The following GFM1 variants were observed in gnomAD, a reference collection of about 807,000 sequenced individuals.
GFM1 encodes G elongation factor mitochondrial 1, also known as elongation factor G, mitochondrial.
In GFM1, 62 loss-of-function variants were observed where a neutral mutation model predicts 96.2. The ratio of observed to expected loss-of-function variants is 0.64; its 90% confidence interval spans 0.53 to 0.80. The LOEUF (loss-of-function observed/expected upper bound fraction) is 0.80, where lower values mean the gene tolerates loss of function less well. Ranked by LOEUF, GFM1 falls within the 30% of genes least tolerant of loss-of-function variation. GFM1 has a pLI of 0.00. For synonymous variants in GFM1, 282 were observed against 312.9 expected (o/e 0.90, Z 1.04); for missense variants, 852 against 916.6 (o/e 0.93, Z 0.91).
chr3:158,644,808 C>T, intron 1 of GFM1, 93 bp downstream of exon 1: 1 of 1,027,688 alleles, frequency 9.7e-7, no homozygotes, highest in Non-Finnish European at 1.5e-6. Flanking sequence ...CCTGGGTCCT[C>T]ATGACTGACA....
chr3:158,671,044 G>C, intron 13 of GFM1: 1 of 1,497,628 alleles, frequency 6.7e-7, no homozygotes, highest in Non-Finnish European at 8.9e-7. Flanking sequence ...ATGTAGTGGA[G>C]ACAAGAAAAT....
intron 9 of GFM1, among the ~76,000 whole-genome samples, chr3:158,660,081 T>G (rs1255510239): frequency 6.6e-6 from 1 of 152,184 alleles, no homozygotes; most frequent in South Asian, 2.1e-4. Flanking sequence ...ACTGCTTGCA[T>G]CTGTGAGAAA....
chr3:158,684,289 C>T (rs1202436108), intron 14 of GFM1, among the ~76,000 whole-genome samples: 1 of 152,052 alleles, frequency 6.6e-6, no homozygotes, highest in Non-Finnish European at 1.5e-5. Flanking sequence ...ATTTATACAA[C>T]AAACCCCCAT....
intron 15 of GFM1, among the ~76,000 whole-genome samples, chr3:158,689,920 A>G (rs922325227): frequency 6.6e-6 from 1 of 152,168 alleles, no homozygotes; most frequent in South Asian, 2.1e-4. Flanking sequence ...TCTGCTATTT[A>G]ATGAGTTTTA....
In GFM1 at chr3:158,692,085, TA is replaced by T. The variant is rs1726369257; in HGVS notation, c.*619del. The T allele has an allele frequency of 6.6e-6, 1 of 152,470 alleles. No individual in the cohort carries two copies. The highest frequency in any genetic ancestry group is 2.4e-5 in the African/African-American group (1 of 41,456). 9.4% of individuals were successfully genotyped at this position (152,470 alleles called of 1,614,324 possible). A position where few individuals can be genotyped will look rare whatever the true frequency, so the allele number is the denominator to read the frequency against. On this transcript the variant is annotated 3_prime_UTR_variant, in exon 18 of 18. Transcript: ENST00000486715. Reference sequence around the variant, plus strand: ...AAGAGTGGATTCCGTATGTTCTTCATAGAGAGTGTTTTTCAGATTCTTCATT... The same window carrying T: ...AAGAGTGGATTCCGTATGTTCTTCATGAGAGTGTTTTTCAGATTCTTCATT...
chr3:158,683,036 G>GA (rs1394390389), intron 14 of GFM1, among the ~76,000 whole-genome samples: 4,295 of 95,822 alleles, frequency 0.045, 115 homozygotes, highest in African/African-American at 0.1. Context: ...CTCCAAAATG[G>GA]AAAAAAAAAA....
In GFM1 at chr3:158,646,270, G is replaced by A; in HGVS notation, c.340G>A (p.Val114Ile). 1.2e-6 allele frequency: 2 copies of A among 1,614,090 alleles called. No individual in the cohort carries two copies. The highest frequency in any genetic ancestry group is 1.7e-6 in the Non-Finnish European group (2 of 1,179,938). ...SAATYTMWKD[V>I]NINIIDTPGH... is the part of the protein sequence containing the mutation. ...AGCCACTTACACCATGTGGAAAGAT[G>A]TCAATATTAACATTATAGATACTCC... The change falls in exon 3 of 18, where the codon GTC becomes ATC. Residue 114 changes from valine (V) to isoleucine (I), a missense_variant. Transcript: ENST00000486715.
chr3:158,681,024 A>G (rs572296407), intron 13 of GFM1, among the ~76,000 whole-genome samples: 1 of 152,200 alleles, frequency 6.6e-6, no homozygotes, highest in East Asian at 1.9e-4. Flanking sequence ...AAAATGTCTC[A>G]TAGAGAACGT....
At chr3:158,644,987 T>G (rs1046426741) in intron 1 of GFM1, 2 of 443,160 alleles carry the variant, frequency 4.5e-6, no homozygotes, top group East Asian at 3.9e-5. Context: ...AAGGTTTTTT[T>G]TTTTTTTTTT....
At chr3:158,668,784 A>C (rs930745839) in intron 13 of GFM1, among the ~76,000 whole-genome samples, 2 of 152,202 alleles carry the variant, frequency 1.3e-5, no homozygotes, top group African/African-American at 4.8e-5. Flanking sequence ...AGCCAAATCA[A>C]ACAACTTTTT....
Position 158,695,432 on chromosome 3 carries a change from C to T in GFM1, c.*3965C>T, listed in dbSNP as rs1417240194. 2.0e-5 allele frequency: 3 copies of T among 152,024 alleles called. No homozygotes were observed. Among genetic ancestry groups the T allele is most frequent in the African/African-American group, 7.2e-5 (3 of 41,406 alleles). 9.4% of individuals were successfully genotyped at this position (152,024 alleles called of 1,614,324 possible). A position where few individuals can be genotyped will look rare whatever the true frequency, so the allele number is the denominator to read the frequency against. On this transcript the variant is annotated 3_prime_UTR_variant, in exon 18 of 18. Transcript: ENST00000486715. ...AAGAAAAGATGTTCTGATGGTGATA[C>T]TGATAAATTTTTAGTTGGTTTAACT...
At chr3:158,689,441 C>T (rs375060939) in intron 15 of GFM1, among the ~76,000 whole-genome samples, 5 of 152,090 alleles carry the variant, frequency 3.3e-5, no homozygotes, top group East Asian at 3.9e-4. Context: ...AAAGACAGAT[C>T]GTAGGCGTGG....
Position 158,665,413 on chromosome 3 carries a change from C to T in GFM1, c.1457C>T (p.Thr486Ile), listed in dbSNP as rs199976922. The change falls in exon 12 of 18, where the codon ACT becomes ATT. Residue 486 changes from threonine to isoleucine, a missense_variant. By Grantham distance (89) the Thr-to-Ile change is moderately conservative. Coordinates refer to ENST00000486715, the MANE Select transcript of GFM1 (RefSeq NM_024996.7). ...EDPTFKVYFD[T>I]ENKETVISGM... is the part of the protein sequence containing the mutation. Reference sequence around the variant, plus strand: ...CCCACATTTAAAGTATACTTTGACACTGAGAACAAAGAGACAGTTATATCT... The same window carrying T: ...CCCACATTTAAAGTATACTTTGACATTGAGAACAAAGAGACAGTTATATCT... 601 of 1,609,456 alleles carry T rather than the reference C, an allele frequency of 3.7e-4. No individual in the cohort carries two copies. Among genetic ancestry groups the T allele is most frequent in the Non-Finnish European group, 4.7e-4 (550 of 1,176,340 alleles).
At chr3:158,651,719 G>A (rs1576731153) in intron 5 of GFM1, among the ~76,000 whole-genome samples, 3 of 152,224 alleles carry the variant, frequency 2.0e-5, no homozygotes, top group Non-Finnish European at 4.4e-5. Context: ...GGATAAACCA[G>A]GTTGCATTAA....
chr3:158,684,402 G>T (rs1725658529), intron 14 of GFM1, 122 bp from the exon 15 acceptor site: 1 of 912,598 alleles, frequency 1.1e-6, no homozygotes, highest in South Asian at 1.5e-5. Flanking sequence ...AATTATTTTT[G>T]AGGGGTGAAA....
Position 158,694,209 on chromosome 3 carries a change from G to C in GFM1, c.*2742G>C, listed in dbSNP as rs938939091. 1.3e-5 allele frequency among the ~76,000 whole-genome samples: 2 copies of C among 151,996 alleles called. No individual in the cohort carries two copies. The highest frequency in any genetic ancestry group is 2.9e-5 in the Non-Finnish European group (2 of 68,020). ...GCCTATCACTGATAGACTGGATAAA[G>C]AAAATGTGGTACATACACATTGTGG... On this transcript the variant is annotated 3_prime_UTR_variant, in exon 18 of 18. Transcript: ENST00000486715.
intron 15 of GFM1, 22 bp from the exon 16 acceptor site, chr3:158,690,141 C>CTTT: frequency 6.4e-6 from 9 of 1,401,190 alleles, no homozygotes; most frequent in Admixed American, 3.5e-5. Context: ...GACTAATGAA[C>CTTT]TTTTTTTTTT....
At chr3:158,684,929 G>A in intron 15 of GFM1, 1 of 375,358 alleles carries the variant, frequency 2.7e-6, no homozygotes, top group South Asian at 4.0e-5. Context: ...TAATTTATAA[G>A]TTCTGTTTTT....
rs569601705 is a variant in GFM1 at position 158,653,014 on chromosome 3, T to C, written c.841-296T>C. On this transcript the variant is annotated intron_variant, in intron 6 of 17. Coordinates refer to ENST00000486715, the MANE Select transcript of GFM1 (RefSeq NM_024996.7). ...GTTTGCAGTGTTCTATTAGTGTGTC[T>C]ATTTTCTATGTGTATATGTATTTTT... Among the ~76,000 whole-genome samples the C allele has an allele frequency of 1.4e-4, 21 of 152,338 alleles. No individual in the cohort carries two copies. The South Asian group carries it at 4.4e-3, about 32-fold the overall frequency.
Sources: allele counts gnomAD v4.1 joint callset (sites outside exome capture counted in the v4.1 genomes callset), GRCh38; gene constraint gnomAD v4.1.1; transcripts MANE v1.5; gene names NCBI Gene and HGNC (gene_info 2026-07-23, HGNC 2026-07-21).